RIF1: variants seen among roughly 807,000 people sequenced by gnomAD.
The protein encoded by RIF1 is replication timing regulatory factor 1.
RIF1 carries 45 observed loss-of-function variants against 247.1 expected under a neutral mutation model. The ratio of observed to expected loss-of-function variants is 0.18; its 90% confidence interval spans 0.14 to 0.23. RIF1 has a LOEUF of 0.23. Among genes scored for constraint, RIF1 ranks in the 10% least tolerant of loss-of-function variants. The pLI is 1.00. For missense variants in RIF1, 2,967 were observed against 2,862.5 expected (o/e 1.04, Z -0.83); for synonymous variants, 1,087 against 978.8 (o/e 1.11, Z -2.06).
intron 6 of RIF1, among the ~76,000 whole-genome samples, chr2:151,418,567 C>T (rs1687607217): frequency 6.6e-6 from 1 of 152,010 alleles, no homozygotes; most frequent in Non-Finnish European, 1.5e-5. Context: ...TAGCTTTGGC[C>T]AGGCACAGTG....
Position 151,463,043 on chromosome 2 carries a change from A to C in RIF1, c.3523A>C (p.Lys1175Gln). 1.2e-6 allele frequency: 2 copies of C among 1,613,970 alleles called. No homozygotes were observed. The highest frequency in any genetic ancestry group is 1.7e-6 in the Non-Finnish European group (2 of 1,179,936). The change falls in exon 30 of 36, where the codon AAA becomes CAA. Residue 1175 changes from lysine to glutamine, a missense_variant. Transcript: ENST00000444746. ...MSNSNNDERK[K>Q]ALISSRKTST... ...AAACAGTAATAATGATGAAAGAAAAAAAGCTTTAATTTCATCAAGGAAAAC... is the reference window on the plus strand; with the variant it reads ...AAACAGTAATAATGATGAAAGAAAACAAGCTTTAATTTCATCAAGGAAAAC...
At chr2:151,505,998 C>T (rs2068593783) in intron 12 of RIF1, 3 of 667,546 alleles carry the variant, frequency 4.5e-6, no homozygotes, top group Non-Finnish European at 8.1e-6. Context: ...CAAGGCACTG[C>T]ACTGAATATG....
chr2:151,416,652 T>G lies in RIF1; in HGVS notation c.372T>G (p.Ser124=), dbSNP rs537505678. 1.9e-6 allele frequency: 3 copies of G among 1,613,012 alleles called. No homozygotes were observed. The African/African-American group carries it at 4.0e-5, about 22-fold the overall frequency. The change falls in exon 5 of 36, where the codon TCT becomes TCG. Residue 124 remains serine (S), a synonymous_variant. Coordinates refer to ENST00000444746, the MANE Select transcript of RIF1 (RefSeq NM_018151.5). ...NVRTRALWVI[S]KQTFPSEVVG... The stretch of plus-strand genomic sequence containing the variant: ...GTACTAGAGCACTTTGGGTGATATC[T>G]AAGCAGACATTTCCCTCTGAAGTGG...
intron 1 of RIF1, 172 bp from the exon 2 acceptor site, chr2:151,410,242 G>A: frequency 4.7e-6 from 3 of 633,216 alleles, no homozygotes; most frequent in East Asian, 2.7e-5. Flanking sequence ...GGTGTCGGGC[G>A]CCGGAGGAGG....
chr2:151,440,355 A>G (rs1418976659), intron 15 of RIF1, among the ~76,000 whole-genome samples: 2 of 152,206 alleles, frequency 1.3e-5, no homozygotes, highest in Non-Finnish European at 2.9e-5. Flanking sequence ...GTGGTAAGAA[A>G]AAAGTATCCG....
At chr2:151,454,856 T>G in intron 21 of RIF1, 39 bp from the exon 22 acceptor site, 2 of 1,480,730 alleles carry the variant, frequency 1.4e-6, no homozygotes, top group South Asian at 2.7e-5. Context: ...CTATTTTCAA[T>G]TTATTTGAGT....
intron 21 of RIF1, 21 bp downstream of exon 21, chr2:151,451,726 C>A: frequency 8.1e-7 from 1 of 1,229,200 alleles, no homozygotes; most frequent in South Asian, 1.2e-5. Context: ...ATTTTTTAAC[C>A]TTTGTTTGTC....
intron 18 of RIF1, among the ~76,000 whole-genome samples, chr2:151,444,068 T>C (rs534297827): frequency 6.6e-6 from 1 of 152,344 alleles, no homozygotes; most frequent in Non-Finnish European, 1.5e-5. Flanking sequence ...CGTTGGTGAT[T>C]ACCTCAAAGC....
rs192238663 is a variant in RIF1 at position 151,414,845 on chromosome 2, C to T, written c.206C>T (p.Ser69Leu). ...TAGACTCACATTTCCAGTCAAAACTCGGAGCTGAGTAGTGCTGCTCTACAA... is the reference window on the plus strand; with the variant it reads ...TAGACTCACATTTCCAGTCAAAACTTGGAGCTGAGTAGTGCTGCTCTACAA... ...VLKTHISSQN[S>L]ELSSAALQAL... Residue 69 changes from serine (S) to leucine (L), a missense_variant, in exon 4 of 36, where the codon TCG (serine) becomes TTG (leucine). Transcript: ENST00000444746. 132 of 1,610,056 alleles carry T rather than the reference C, an allele frequency of 8.2e-5. No homozygotes were observed. Among genetic ancestry groups the T allele is most frequent in the South Asian group, 4.6e-4 (41 of 89,870 alleles).
intron 3 of RIF1, among the ~76,000 whole-genome samples, chr2:151,412,912 TTTA>T (rs1686515928): frequency 6.6e-6 from 1 of 152,210 alleles, no homozygotes; most frequent in African/African-American, 2.4e-5. Context: ...AAGCAGAAAC[TTTA>T]TTGTGTGCTA....
intron 19 of RIF1, among the ~76,000 whole-genome samples, chr2:151,445,802 G>C (rs1214842512): frequency 6.6e-6 from 1 of 152,138 alleles, no homozygotes; most frequent in Non-Finnish European, 1.5e-5. Context: ...GCCTCCCAAA[G>C]TGCTGGGATT....
the RIF1 span, chr2:151,518,458 A>G: frequency 7.8e-7 from 1 of 1,276,398 alleles, no homozygotes; most frequent in African/African-American, 1.5e-5. Context: ...ACATTGATGG[A>G]GAAGCTGCTC....
At chr2:151,462,372 A>G in intron 28 of RIF1, 40 bp from the exon 29 acceptor site, 1 of 1,464,516 alleles carries the variant, frequency 6.8e-7, no homozygotes, top group Non-Finnish European at 9.2e-7. Context: ...TCATTTTCAA[A>G]TAATTATAAA....
At chr2:151,518,208 T>C in the RIF1 span, 1 of 825,826 alleles carries the variant, frequency 1.2e-6, no homozygotes, top group East Asian at 2.4e-5. Flanking sequence ...CAAAACCCCT[T>C]ATATCTTTGT....
the RIF1 span, chr2:151,519,125 A>G: frequency 8.9e-7 from 1 of 1,126,198 alleles, no homozygotes; most frequent in South Asian, 1.3e-5. Flanking sequence ...GAACAGCACT[A>G]ATGGAAATCA....
At chr2:151,502,573 A>G (rs1269949345) in intron 11 of RIF1, among the ~76,000 whole-genome samples, 3 of 152,116 alleles carry the variant, frequency 2.0e-5, no homozygotes, top group Non-Finnish European at 4.4e-5. Context: ...ACAGAGTATT[A>G]CAGGTTTTTA....
chr2:151,410,492 T>C lies in RIF1; in HGVS notation c.69T>C (p.His23=), dbSNP rs1164416615. ...CTTTGGAAGACCCTTCTGCCTCCCA[T>C]GGAGGGCAGACTGACGCTTACCTGA... ...LETLEDPSAS[H]GGQTDAYLTL... is the part of the protein sequence containing the mutation. The change falls in exon 2 of 36, where the codon CAT becomes CAC. Residue 23 remains histidine (H), a synonymous_variant. Transcript: ENST00000444746. The C allele has an allele frequency of 1.2e-6, 2 of 1,613,904 alleles. No individual in the cohort carries two copies.
rs112099765 is a variant in RIF1, at chr2:151,496,246, A to G, written c.*513+920A>G. 9.7e-4 allele frequency: 1,477 copies of G among 1,524,814 alleles called. 11 individuals are homozygous for G. In the African/African-American group the frequency reaches 0.016, roughly 17 times the overall value. 94.5% of individuals were successfully genotyped at this position (1,524,814 alleles called of 1,614,324 possible). ...CATAAAAGTAGTTTTTAAAATCAGT[A>G]AGTAGTTTTTTTCTTTTCTCGCCAA... On this transcript the variant is annotated intron_variant and NMD_transcript_variant, in intron 10 of 13. Coordinates refer to the RIF1 transcript ENST00000454583.
Position 151,416,820 on chromosome 2 carries a change from T to C in RIF1, c.422T>C (p.Ile141Thr), listed in dbSNP as rs745495896. 9.3e-6 allele frequency: 15 copies of C among 1,610,824 alleles called. No individual in the cohort carries two copies. The Admixed American group carries it at 1.3e-4, about 14-fold the overall frequency. The change falls in exon 6 of 36, where the codon ATT becomes ACT. Residue 141 changes from isoleucine to threonine, a missense_variant. Ile to Thr is a moderately conservative substitution (Grantham distance 89, BLOSUM62 -1). Around this residue, in one of 7 missense-constraint regions of RIF1, gnomAD observed 269 missense variants for 288.6 expected, o/e 0.93. Coordinates refer to ENST00000444746, the MANE Select transcript of RIF1 (RefSeq NM_018151.5). ...TTCGTTTTTTAGGTATCCAGTATAA[T>C]TGATTCATTAGAAATACTGTTTAAC... ...EVVGKMVSSI[I>T]DSLEILFNKG...
Sources: allele counts gnomAD v4.1 joint callset (sites outside exome capture counted in the v4.1 genomes callset), GRCh38; gene constraint gnomAD v4.1.1; regional missense constraint gnomAD v4.1.1; transcripts MANE v1.5; gene names NCBI Gene and HGNC (gene_info 2026-07-23, HGNC 2026-07-21).